Variants in PLD1 observed in about 807,000 individuals in gnomAD.
PLD1 encodes choline phosphatase 1.
PLD1 carries 112 observed loss-of-function variants against 137.1 expected under a neutral mutation model. That is an observed-to-expected ratio of 0.82 (90% CI 0.70 to 0.96). PLD1 has a LOEUF of 0.96. PLD1 is among the 40% of genes least tolerant of loss of function. The pLI is 0.00. For missense variants in PLD1, 1,321 were observed against 1,342.0 expected, an observed-to-expected ratio of 0.98 and a Z score of 0.24; for synonymous variants, 431 against 454.7, an observed-to-expected ratio of 0.95 and a Z score of 0.66.
At chr3:171,795,116 C>T (rs141510728) in intron 1 of PLD1, among the ~76,000 whole-genome samples, 1 of 152,336 alleles carries the variant, frequency 6.6e-6, no homozygotes, top group African/African-American at 2.4e-5. Context: ...CGGACTACTT[C>T]AAATCCTCTC....
chr3:171,656,856 A>G (rs1405427881), intron 21 of PLD1, among the ~76,000 whole-genome samples: 2 of 152,226 alleles, frequency 1.3e-5, no homozygotes. Context: ...GGAGTCCTCC[A>G]TAGGTGAAAG....
At chr3:171,615,068 T>C (rs573245376) in intron 24 of PLD1, among the ~76,000 whole-genome samples, 3 of 152,216 alleles carry the variant, frequency 2.0e-5, no homozygotes, top group Non-Finnish European at 2.9e-5. Context: ...TTTAGATGAA[T>C]GAATAAATTA....
intron 1 of PLD1, among the ~76,000 whole-genome samples, chr3:171,758,057 C>T (rs1412117000): frequency 6.6e-6 from 1 of 152,208 alleles, no homozygotes; most frequent in East Asian, 1.9e-4. Flanking sequence ...GGCTTTTAAT[C>T]TTTCCATCTC....
chr3:171,621,332 A>G (rs2108297283), intron 23 of PLD1, among the ~76,000 whole-genome samples: 1 of 152,274 alleles, frequency 6.6e-6, no homozygotes, highest in East Asian at 1.9e-4. Context: ...TCTCCCACAC[A>G]GCAGTTGTCT....
intron 23 of PLD1, among the ~76,000 whole-genome samples, chr3:171,639,587 TA>T (rs1560170115): frequency 1.0e-5 from 1 of 98,036 alleles, no homozygotes; most frequent in Non-Finnish European, 1.8e-5. Flanking sequence ...TATATTCATA[TA>T]ATATATATTC....
intron 1 of PLD1, among the ~76,000 whole-genome samples, chr3:171,787,187 C>T (rs963618952): frequency 1.2e-4 from 18 of 152,108 alleles, no homozygotes; most frequent in Non-Finnish European, 2.5e-4. Flanking sequence ...CCTCTGGGCC[C>T]CTCTGTCTCT....
intron 1 of PLD1, among the ~76,000 whole-genome samples, chr3:171,742,083 G>T (rs1030358410): frequency 6.6e-6 from 1 of 152,186 alleles, no homozygotes; most frequent in African/African-American, 2.4e-5. Flanking sequence ...TAGAAACTTG[G>T]CAGGGCCACA....
At chr3:171,688,961 A>G in intron 13 of PLD1, 85 bp from the exon 14 acceptor site, 1 of 970,122 alleles carries the variant, frequency 1.0e-6, no homozygotes, top group Non-Finnish European at 1.6e-6. Context: ...TCTCCCTGAA[A>G]AGCATTTTCT....
intron 1 of PLD1, chr3:171,764,999 A>AAAGG (rs1721874511): frequency 7.0e-6 from 1 of 143,604 alleles, no homozygotes; most frequent in Non-Finnish European, 1.5e-5. Flanking sequence ...AGAAAGAAAG[A>AAAGG]AAGAAAGAGA....
chr3:171,700,325 C>T (rs923783424), intron 11 of PLD1, among the ~76,000 whole-genome samples: 1 of 150,758 alleles, frequency 6.6e-6, no homozygotes, highest in Non-Finnish European at 1.5e-5. Flanking sequence ...AACACACACA[C>T]ACACACACAC....
intron 6 of PLD1, among the ~76,000 whole-genome samples, chr3:171,731,818 A>C (rs1718973030): frequency 6.6e-6 from 1 of 152,176 alleles, no homozygotes; most frequent in South Asian, 2.1e-4. Flanking sequence ...ATTCACAGTC[A>C]GTTGCTAATG....
intron 16 of PLD1, among the ~76,000 whole-genome samples, chr3:171,682,158 AAGAAAGAAAAAG>A (rs1260590971): frequency 2.7e-4 from 13 of 48,848 alleles, no homozygotes; most frequent in African/African-American, 1.4e-3. Context: ...GAAAGAAAGA[AAGAAAGAAAAAG>A]AAAGAAAGAA....
At position 171,628,664 on chromosome 3, in the gene PLD1, T is replaced by C. The variant is rs533605516; in HGVS notation, c.2594-8144A>G. ...AGCACATCAAAAAGCTTATCCACCATGATCAAGTGGGCTTCATCCCTGGGA... is the reference window on the plus strand; with the variant it reads ...AGCACATCAAAAAGCTTATCCACCACGATCAAGTGGGCTTCATCCCTGGGA... On this transcript the variant is annotated intron_variant, in intron 23 of 26. Coordinates refer to ENST00000351298, the MANE Select transcript of PLD1 (RefSeq NM_002662.5). Among the ~76,000 whole-genome samples, 1,020 of 151,294 alleles carry C rather than the reference T, an allele frequency of 6.7e-3. 11 individuals carry two copies. Among genetic ancestry groups the C allele is most frequent in the Middle Eastern group, 0.024 (7 of 294 alleles).
chr3:171,618,734 G>A (rs1013786489), intron 24 of PLD1, among the ~76,000 whole-genome samples: 3 of 151,606 alleles, frequency 2.0e-5, no homozygotes, highest in African/African-American at 7.3e-5. Flanking sequence ...GTGTGTGTGT[G>A]TGTGTGTGTG....
intron 24 of PLD1, among the ~76,000 whole-genome samples, chr3:171,614,418 G>C (rs1478348227): frequency 6.6e-6 from 1 of 152,132 alleles, no homozygotes; most frequent in Non-Finnish European, 1.5e-5. Flanking sequence ...TTCATAAATT[G>C]AGATAATAAT....
At chr3:171,750,022 A>G (rs1720541457) in intron 1 of PLD1, among the ~76,000 whole-genome samples, 1 of 152,234 alleles carries the variant, frequency 6.6e-6, no homozygotes, top group Admixed American at 6.5e-5. Context: ...AAAGGAATTC[A>G]GAGTCTCTAC....
At position 171,710,872 on chromosome 3, in the gene PLD1, C is replaced by CTTTTTTTTTTTTTTTT. The variant is rs774704143; in HGVS notation, c.912-1179_912-1164dup. Reference sequence around the variant, plus strand: ...TTTCACTAATCATAGGAAAACTGTTCTTTTTTTTTTTTTTTTTTTGAGACG... The same window carrying CTTTTTTTTTTTTTTTT: ...TTTCACTAATCATAGGAAAACTGTTCTTTTTTTTTTTTTTTTTTTTTTTTTTTTTTTTTTTGAGACG... On this transcript the variant is annotated intron_variant, in intron 9 of 26. Coordinates refer to ENST00000351298, the MANE Select transcript of PLD1 (RefSeq NM_002662.5). 6.2e-4 allele frequency among the ~76,000 whole-genome samples: 61 copies of CTTTTTTTTTTTTTTTT among 98,566 alleles called. 8 individuals carry two copies. The highest frequency in any genetic ancestry group is 2.5e-3 in the African/African-American group (53 of 21,372). The allele number at this position is 98,566 out of a possible 152,430, so 64.7% of individuals were successfully genotyped here.
intron 23 of PLD1, among the ~76,000 whole-genome samples, chr3:171,632,430 A>G (rs1734746441): frequency 6.6e-6 from 1 of 152,176 alleles, no homozygotes; most frequent in African/African-American, 2.4e-5. Context: ...ATATTTCAAT[A>G]AGGTCTATAA....
At chr3:171,616,485 C>T (rs75307042) in intron 24 of PLD1, among the ~76,000 whole-genome samples, 25,892 of 152,152 alleles carry the variant, frequency 0.17, 2,314 homozygotes, top group South Asian at 0.23. Context: ...ATTAAGGTTG[C>T]TAATCAGCTA....
Sources: gnomAD v4.1 joint callset for allele counts (sites outside exome capture counted in the v4.1 genomes callset) on GRCh38, gnomAD v4.1.1 for gene constraint, MANE v1.5 for transcripts, NCBI Gene and HGNC (gene_info 2026-07-23, HGNC 2026-07-21) for gene names.